PALLD: variants seen among roughly 807,000 people sequenced by gnomAD.
PALLD encodes palladin.
Under a neutral mutation model 123.5 loss-of-function variants are expected in PALLD, and 61 were observed. The ratio of observed to expected loss-of-function variants is 0.49; its 90% CI spans 0.40 to 0.61. The LOEUF (loss-of-function observed/expected upper bound fraction) is 0.61, where lower values mean the gene tolerates loss of function less well. PALLD is among the 20% of genes least tolerant of loss of function. The probability of loss-of-function intolerance (pLI) is 0.00; values close to 1 mark genes in which losing one functional copy is unlikely to be tolerated. For missense variants in PALLD, 1,273 were observed against 1,377.0 expected (o/e 0.92, Z 1.20); for synonymous variants, 465 against 496.4 (o/e 0.94, Z 0.84).
intron 10 of PALLD, among the ~76,000 whole-genome samples, chr4:168,862,539 G>A (rs1042053645): frequency 6.6e-6 from 1 of 152,158 alleles, no homozygotes; most frequent in Non-Finnish European, 1.5e-5. Flanking sequence ...ATTCTGTTGG[G>A]CAAAAAGACT....
intron 2 of PALLD, among the ~76,000 whole-genome samples, chr4:168,524,429 C>A (rs546085071): frequency 4.6e-5 from 7 of 152,174 alleles, no homozygotes; most frequent in Admixed American, 1.3e-4. Flanking sequence ...CACACTGAGA[C>A]AAACTGGCTC....
intron 2 of PALLD, among the ~76,000 whole-genome samples, chr4:168,632,691 A>G (rs536643742): frequency 6.6e-6 from 1 of 152,320 alleles, no homozygotes; most frequent in Non-Finnish European, 1.5e-5. Flanking sequence ...CTCCTCTACC[A>G]TGGAAAGACT....
intron 10 of PALLD, among the ~76,000 whole-genome samples, chr4:168,779,309 T>G (rs888963565): frequency 4.6e-5 from 7 of 152,236 alleles, no homozygotes; most frequent in Non-Finnish European, 1.0e-4. Context: ...TTTCTTATTC[T>G]TTCTACATTC....
At chr4:168,768,305 G>A (rs981470330) in intron 10 of PALLD, among the ~76,000 whole-genome samples, 6 of 152,146 alleles carry the variant, frequency 3.9e-5, no homozygotes, top group East Asian at 1.9e-4. Flanking sequence ...TATAAAAGCC[G>A]TGTCAAAAAA....
intron 10 of PALLD, among the ~76,000 whole-genome samples, chr4:168,759,203 ATATATAT>A (rs1312236293): frequency 1.0e-4 from 4 of 39,494 alleles, no homozygotes; most frequent in African/African-American, 5.3e-4. Flanking sequence ...AAAAAAAAAA[ATATATAT>A]ATATATATAT....
intron 2 of PALLD, among the ~76,000 whole-genome samples, chr4:168,595,076 T>C (rs1185259997): frequency 6.6e-6 from 1 of 152,168 alleles, no homozygotes; most frequent in Non-Finnish European, 1.5e-5. Flanking sequence ...AAATGACTAA[T>C]CCAAAAGACT....
At chr4:168,781,178 G>C (rs1228729550) in intron 10 of PALLD, among the ~76,000 whole-genome samples, 1 of 152,150 alleles carries the variant, frequency 6.6e-6, no homozygotes, top group African/African-American at 2.4e-5. Flanking sequence ...TTTATCCTCA[G>C]GGCCTTTAAT....
At position 168,727,188 on chromosome 4, in the gene PALLD, C is replaced by T. The variant is rs901219814; in HGVS notation, c.1964+15265C>T. On this transcript the variant is annotated intron_variant, in intron 10 of 21. Transcript: ENST00000505667. The stretch of plus-strand genomic sequence containing the variant: ...TATGAATAGTGCTACAGTGAACATA[C>T]TAGTGCATGTGTCTTCTTGGTATAA... Among the ~76,000 whole-genome samples the T allele has an allele frequency of 2.6e-5, 4 of 152,188 alleles. No individual in the cohort carries two copies. In the East Asian group the frequency reaches 7.7e-4, roughly 29 times the overall value.
chr4:168,777,301 T>C (rs767765388), intron 10 of PALLD, among the ~76,000 whole-genome samples: 1 of 152,188 alleles, frequency 6.6e-6, no homozygotes, highest in African/African-American at 2.4e-5. Context: ...CTGCTGCAGT[T>C]ATGGCTTGGA....
intron 10 of PALLD, among the ~76,000 whole-genome samples, chr4:168,866,061 C>G (rs965635353): frequency 6.6e-6 from 1 of 151,034 alleles, no homozygotes; most frequent in African/African-American, 2.4e-5. Context: ...GGGAGGACTG[C>G]TTGAGCCTGG....
chr4:168,914,671 G>A (rs1398821871), intron 16 of PALLD, among the ~76,000 whole-genome samples: 1 of 152,174 alleles, frequency 6.6e-6, no homozygotes, highest in Non-Finnish European at 1.5e-5. Flanking sequence ...AATTCAGTAA[G>A]TCAACCATCC....
chr4:168,874,553 C>G (rs1163344473), intron 10 of PALLD, among the ~76,000 whole-genome samples: 4 of 152,106 alleles, frequency 2.6e-5, no homozygotes. Flanking sequence ...TATTTAAAAC[C>G]TTAACTGATG....
chr4:168,564,867 A>G (rs1768211617), intron 2 of PALLD, among the ~76,000 whole-genome samples: 1 of 152,134 alleles, frequency 6.6e-6, no homozygotes, highest in African/African-American at 2.4e-5. Context: ...AGGGGACCAC[A>G]TACTTTCTTA....
rs1212946145 is a variant in PALLD, at chr4:168,926,792, A to G, written c.*612A>G. On this transcript the variant is annotated 3_prime_UTR_variant, in exon 22 of 22. Coordinates refer to ENST00000505667, the MANE Select transcript of PALLD (RefSeq NM_001166108.2). The stretch of plus-strand genomic sequence containing the variant: ...AGGGAGTTGTACCACAAACAGTACT[A>G]CAATGATTCTGAAGCACAGTGTATT... 8.6e-6 allele frequency: 2 copies of G among 231,500 alleles called. No individual in the cohort carries two copies. The highest frequency in any genetic ancestry group is 6.4e-5 in the East Asian group (1 of 15,532). 14.3% of individuals were successfully genotyped at this position (231,500 alleles called of 1,614,324 possible).
At chr4:168,503,461 AC>A (rs1044815801) in intron 1 of PALLD, among the ~76,000 whole-genome samples, 4 of 152,132 alleles carry the variant, frequency 2.6e-5, no homozygotes, top group Admixed American at 1.3e-4. Flanking sequence ...CATCCTGCTA[AC>A]AAGGGGAAAC....
chr4:168,671,724 G>A (rs1780299949), intron 3 of PALLD, among the ~76,000 whole-genome samples: 1 of 152,168 alleles, frequency 6.6e-6, no homozygotes, highest in Non-Finnish European at 1.5e-5. Context: ...CTCAACTTAT[G>A]ACTCAAAGTA....
intron 2 of PALLD, among the ~76,000 whole-genome samples, chr4:168,610,187 T>G (rs1773595730): frequency 6.6e-6 from 1 of 152,210 alleles, no homozygotes; most frequent in African/African-American, 2.4e-5. Context: ...GCATCTCGGA[T>G]AGCTTTCCAC....
At chr4:168,878,724 T>G (rs1752208300) in intron 10 of PALLD, among the ~76,000 whole-genome samples, 1 of 150,810 alleles carries the variant, frequency 6.6e-6, no homozygotes. Flanking sequence ...AGCACTGTGC[T>G]AAGCAACTCA....
At chr4:168,585,615 GCACTGAGTGTGCCCCTGGCCCCAT>G (rs555672604) in intron 2 of PALLD, among the ~76,000 whole-genome samples, 172 of 152,270 alleles carry the variant, frequency 1.1e-3, no homozygotes, top group African/African-American at 3.9e-3. Context: ...CCCAGCGCAG[GCACTGAGTGTGCCCCTGGCCCCAT>G]CAGTTTAATT....
Sources: gnomAD v4.1 joint callset for allele counts (sites outside exome capture counted in the v4.1 genomes callset) on GRCh38, gnomAD v4.1.1 for gene constraint, MANE v1.5 for transcripts, NCBI Gene and HGNC (gene_info 2026-07-23, HGNC 2026-07-21) for gene names.